Variants in OVOL2 observed in about 807,000 individuals in gnomAD.
OVOL2 encodes the protein ovo like zinc finger 2, also known as transcription factor Ovo-like 2.
Under a neutral mutation model 18.1 loss-of-function variants are expected in OVOL2, and 13 were observed. That is an observed-to-expected ratio of 0.72 (90% confidence interval 0.47 to 1.14). The LOEUF is 1.14. Ranked by LOEUF, OVOL2 falls within the 50% of genes most tolerant of loss-of-function variation. The pLI, the probability that OVOL2 is intolerant of heterozygous loss-of-function variation, is 0.00. For missense variants in OVOL2, 335 were observed against 383.0 expected (o/e 0.87, Z 1.05); for synonymous variants, 166 against 162.7 (o/e 1.02, Z -0.16).
Position 18,026,676 on chromosome 20 carries a change from G to C in OVOL2, c.512-1724C>G, listed in dbSNP as rs567245549. On this transcript the variant is annotated intron_variant, in intron 3 of 3. Coordinates refer to ENST00000278780, the MANE Select transcript of OVOL2 (RefSeq NM_021220.4). ...GATTACAGGCGTGAGCCACCGCGCC[G>C]GGCCCAGGAATCTATTTTTAACAAA... 3.3e-5 allele frequency among the ~76,000 whole-genome samples: 5 copies of C among 152,142 alleles called. No individual in the cohort carries two copies. The East Asian group carries it at 7.7e-4, about 23-fold the overall frequency.
At chr20:18,033,581 A>G (rs1057447967) in intron 3 of OVOL2, among the ~76,000 whole-genome samples, 1 of 152,242 alleles carries the variant, frequency 6.6e-6, no homozygotes, top group Non-Finnish European at 1.5e-5. Flanking sequence ...CATTTTACAA[A>G]TGAGCAAAAT....
intron 3 of OVOL2, among the ~76,000 whole-genome samples, chr20:18,035,945 G>C (rs961145344): frequency 6.6e-6 from 1 of 152,112 alleles, no homozygotes; most frequent in East Asian, 1.9e-4. Flanking sequence ...GCTATATTTT[G>C]TTTAACTCAT....
intron 2 of OVOL2, among the ~76,000 whole-genome samples, chr20:18,052,047 T>TA (rs1181621320): frequency 6.6e-6 from 1 of 152,208 alleles, no homozygotes; most frequent in Admixed American, 6.5e-5. Flanking sequence ...GTCTAATTGT[T>TA]AATTCTTAAT....
intron 3 of OVOL2, among the ~76,000 whole-genome samples, chr20:18,026,663 G>C (rs750755481): frequency 2.0e-5 from 3 of 152,154 alleles, no homozygotes; most frequent in East Asian, 1.9e-4. Context: ...TTACAGGCGT[G>C]AGCCACCGCG....
rs141415710 is a variant in OVOL2, at chr20:18,057,617, C to T, written c.18G>A (p.Leu6=). Residue 6 remains leucine, a synonymous_variant, in exon 1 of 4, where the codon CTG becomes CTA. Transcript: ENST00000278780. The surrounding 1 kb of genome is among the most constrained non-coding windows in gnomAD (Gnocchi z 6.3). MPKVF[L]VKRRSLGVSV... The stretch of plus-strand genomic sequence containing the variant: ...AGACCCCCAGGCTCCTCCTCTTCAC[C>T]AGGAAGACTTTGGGCATGGTGGGGT... 22 of 1,589,466 alleles carry T rather than the reference C, an allele frequency of 1.4e-5. No homozygotes were observed. In the African/African-American group the frequency reaches 2.0e-4, roughly 15 times the overall value.
chr20:18,055,140 C>T (rs946259571), intron 2 of OVOL2, among the ~76,000 whole-genome samples: 4 of 152,100 alleles, frequency 2.6e-5, no homozygotes, highest in African/African-American at 9.7e-5. Flanking sequence ...GATTGGTTTA[C>T]GTCTTCCTTT....
At chr20:18,045,761 GA>G (rs2122715662) in intron 2 of OVOL2, among the ~76,000 whole-genome samples, 1 of 152,276 alleles carries the variant, frequency 6.6e-6, no homozygotes, top group African/African-American at 2.4e-5. Context: ...TTACAGGCGT[GA>G]GCCACAATGA....
intron 3 of OVOL2, among the ~76,000 whole-genome samples, chr20:18,034,808 T>G (rs1019654664): frequency 1.3e-5 from 2 of 152,202 alleles, no homozygotes; most frequent in African/African-American, 4.8e-5. Flanking sequence ...TATTTCTTTG[T>G]GTTTTGAGTC....
At chr20:18,051,047 G>A (rs141640976) in intron 2 of OVOL2, among the ~76,000 whole-genome samples, 1 of 152,196 alleles carries the variant, frequency 6.6e-6, no homozygotes, top group East Asian at 1.9e-4. Flanking sequence ...TTTAAAAACG[G>A]CTTGAATCCA....
chr20:18,041,868 G>A, intron 2 of OVOL2, 145 bp from the exon 3 acceptor site: 1 of 594,250 alleles, frequency 1.7e-6, no homozygotes, highest in Non-Finnish European at 2.8e-6. Flanking sequence ...TTGGCTTTGG[G>A]AAAGGTGAAG....
chr20:18,058,999 G>C (rs2036854975), upstream of OVOL2: 1 of 152,572 alleles, frequency 6.6e-6, no homozygotes, highest in Non-Finnish European at 1.5e-5. Context: ...CGTCAGACGT[G>C]TGCCAGCTGC....
intron 2 of OVOL2, among the ~76,000 whole-genome samples, chr20:18,046,943 C>CAA (rs563761406): frequency 1.4e-3 from 185 of 128,936 alleles, no homozygotes; most frequent in Non-Finnish European, 1.6e-3. Flanking sequence ...TCTGAAGGAT[C>CAA]AAAAAAAAAA....
rs1027523419 is a variant in OVOL2, at chr20:18,048,681, C to T, written c.322-6958G>A. On this transcript the variant is annotated intron_variant, in intron 2 of 3. Transcript: ENST00000278780. ...GAGATAGCACCACTGCATTCCAGCCCGAGTGACAGAGAGAGACCCTGTCTC... is the reference window on the plus strand; with the variant it reads ...GAGATAGCACCACTGCATTCCAGCCTGAGTGACAGAGAGAGACCCTGTCTC... 6.6e-5 allele frequency among the ~76,000 whole-genome samples: 10 copies of T among 152,226 alleles called. 1 individual carries two copies. In the Middle Eastern group the frequency reaches 0.027, roughly 414 times the overall value.
At chr20:18,054,803 A>AAAAGAAACT (rs1418859415) in intron 2 of OVOL2, among the ~76,000 whole-genome samples, 1 of 151,788 alleles carries the variant, frequency 6.6e-6, no homozygotes, top group African/African-American at 2.4e-5. Context: ...AAAAGAAAAG[A>AAAAGAAACT]AAAGAAACTA....
chr20:18,025,320 C>A (rs193179657), intron 3 of OVOL2, among the ~76,000 whole-genome samples: 1 of 152,308 alleles, frequency 6.6e-6, no homozygotes, highest in East Asian at 1.9e-4. Context: ...GTAATCCCAG[C>A]ACTTTGGGAG....
At position 18,029,958 on chromosome 20, in the gene OVOL2, C is replaced by T. The variant is rs925263684; in HGVS notation, c.512-5006G>A. On this transcript the variant is annotated intron_variant, in intron 3 of 3. Transcript: ENST00000278780. ...TCGCACCACTGCACTCCAGCCTGGG[C>T]GAGAGTGAGACCCTGTCTCAGAAAA... Among the ~76,000 whole-genome samples, 6 of 152,070 alleles carry T rather than the reference C, an allele frequency of 3.9e-5. No homozygotes were observed. In the East Asian group the frequency reaches 7.7e-4, roughly 20 times the overall value.
At chr20:18,058,501 G>T (rs945005411), upstream of OVOL2, among the ~76,000 whole-genome samples, 1 of 145,016 alleles carries the variant, frequency 6.9e-6, no homozygotes, top group African/African-American at 2.6e-5. Flanking sequence ...AGAAAAACAA[G>T]CCTTGCCCCG....
At chr20:18,049,549 A>T (rs1264697787) in intron 2 of OVOL2, among the ~76,000 whole-genome samples, 2 of 138,302 alleles carry the variant, frequency 1.4e-5, no homozygotes, top group Non-Finnish European at 3.3e-5. Flanking sequence ...TGGCATTCAG[A>T]TTCCCCCCCC....
chr20:18,049,403 T>G (rs2036752490), intron 2 of OVOL2, among the ~76,000 whole-genome samples: 1 of 152,188 alleles, frequency 6.6e-6, no homozygotes, highest in African/African-American at 2.4e-5. Flanking sequence ...GCAGACAAGT[T>G]CATTTAGTTA....
Sources: gnomAD v4.1 joint callset for allele counts (sites outside exome capture counted in the v4.1 genomes callset) on GRCh38, gnomAD v4.1.1 for gene constraint, Gnocchi (gnomAD v3.1) non-coding constraint, MANE v1.5 for transcripts, NCBI Gene and HGNC (gene_info 2026-07-23, HGNC 2026-07-21) for gene names.